ZRANB3: variants seen among roughly 807,000 people sequenced by gnomAD.
The protein encoded by ZRANB3 is zinc finger RANBP2-type containing 3.
In ZRANB3, 125 loss-of-function variants were observed where a neutral mutation model predicts 133.8. The ratio of observed to expected loss-of-function variants is 0.93; its 90% CI spans 0.81 to 1.08. The LOEUF (loss-of-function observed/expected upper bound fraction) is 1.08. Among genes scored for constraint, ZRANB3 ranks in the 50% least tolerant of loss-of-function variants. The probability of loss-of-function intolerance (pLI) is 0.00; values close to 1 mark genes in which losing one functional copy is unlikely to be tolerated. For synonymous variants in ZRANB3, 387 were observed against 432.7 expected, an observed-to-expected ratio of 0.89 and a Z score of 1.31; for missense variants, 1,229 against 1,275.5, an observed-to-expected ratio of 0.96 and a Z score of 0.56.
intron 2 of ZRANB3, among the ~76,000 whole-genome samples, chr2:135,454,777 T>C (rs115327220): frequency 1.6e-3 from 248 of 152,352 alleles, no homozygotes; most frequent in African/African-American, 5.7e-3. Flanking sequence ...TTCATTCTTT[T>C]TCATGGCTGA....
At chr2:135,307,794 G>A (rs1490886508) in intron 8 of ZRANB3, among the ~76,000 whole-genome samples, 2 of 152,176 alleles carry the variant, frequency 1.3e-5, no homozygotes, top group African/African-American at 2.4e-5. Context: ...CTGAGTGAAT[G>A]TAGTCAGCGC....
At chr2:135,484,442 A>C (rs985083965) in intron 2 of ZRANB3, among the ~76,000 whole-genome samples, 56 of 152,302 alleles carry the variant, frequency 3.7e-4, no homozygotes, top group Non-Finnish European at 5.4e-4. Context: ...GTATTATTAC[A>C]TTGTCAATTA....
In ZRANB3 at chr2:135,201,053, C is replaced by T. The variant is rs112490902; in HGVS notation, c.3142-613G>A. On this transcript the variant is annotated intron_variant, in intron 20 of 20. Transcript: ENST00000264159. ...CTTAAGGCAACTTGGGATTACCCAG[C>T]GAAGAAAATCTACCCACTTCCTATT... Among the ~76,000 whole-genome samples, 7 of 152,144 alleles carry T rather than the reference C, an allele frequency of 4.6e-5. No individual in the cohort carries two copies. In the East Asian group the frequency reaches 9.7e-4, roughly 21 times the overall value.
At chr2:135,238,087 G>A (rs1672651705) in intron 12 of ZRANB3, among the ~76,000 whole-genome samples, 1 of 152,166 alleles carries the variant, frequency 6.6e-6, no homozygotes, top group African/African-American at 2.4e-5. Flanking sequence ...TTCAATGTGT[G>A]AATCTCAGTT....
intron 12 of ZRANB3, among the ~76,000 whole-genome samples, chr2:135,263,880 A>G (rs1383804006): frequency 4.0e-5 from 6 of 151,080 alleles, no homozygotes; most frequent in African/African-American, 1.5e-4. Context: ...GGTTTAAGTG[A>G]TTCTCCTGCC....
chr2:135,394,476 G>C (rs1283367355), intron 2 of ZRANB3, among the ~76,000 whole-genome samples: 1 of 152,078 alleles, frequency 6.6e-6, no homozygotes, highest in Non-Finnish European at 1.5e-5. Flanking sequence ...GAGGTAAGGA[G>C]ATGGGAAGCT....
intron 2 of ZRANB3, among the ~76,000 whole-genome samples, chr2:135,392,436 A>G (rs1000459087): frequency 6.6e-6 from 1 of 151,990 alleles, no homozygotes; most frequent in Admixed American, 6.6e-5. Flanking sequence ...TAATCTTATA[A>G]GATTTATTTC....
At chr2:135,268,932 C>G (rs1680376686) in intron 11 of ZRANB3, 30 bp downstream of exon 11, 1 of 1,576,090 alleles carries the variant, frequency 6.3e-7, no homozygotes, top group Non-Finnish European at 8.6e-7. Flanking sequence ...AGTAAGTAAG[C>G]TGCTAACTTG....
At position 135,369,612 on chromosome 2, in the gene ZRANB3, A is replaced by G. The variant is rs1174134187; in HGVS notation, c.181-15984T>C. On this transcript the variant is annotated intron_variant, in intron 3 of 20. Coordinates refer to ENST00000264159, the MANE Select transcript of ZRANB3 (RefSeq NM_032143.4). ...AAAGCAATGCAAGTTTTTTACAAAT[A>G]AAATATTATACAGAAACTCAACATT... Among the ~76,000 whole-genome samples, 4 of 152,190 alleles carry G rather than the reference A, an allele frequency of 2.6e-5. No homozygotes were observed. In the East Asian group the frequency reaches 7.7e-4, roughly 29 times the overall value.
chr2:135,486,446 C>T (rs1440300669), intron 2 of ZRANB3, among the ~76,000 whole-genome samples: 3 of 152,022 alleles, frequency 2.0e-5, no homozygotes, highest in Non-Finnish European at 2.9e-5. Context: ...TCAGTCACAT[C>T]TTCAGGCTCT....
chr2:135,433,071 G>T (rs192179997), intron 2 of ZRANB3, among the ~76,000 whole-genome samples: 2 of 152,084 alleles, frequency 1.3e-5, no homozygotes, highest in Non-Finnish European at 2.9e-5. Flanking sequence ...ATGTATGCTG[G>T]GCTGAAACTC....
At chr2:135,500,181 G>A (rs566013370) in intron 2 of ZRANB3, among the ~76,000 whole-genome samples, 5 of 151,972 alleles carry the variant, frequency 3.3e-5, no homozygotes, top group African/African-American at 1.2e-4. Context: ...CCACCCAGTT[G>A]CGGTATGCTT....
At chr2:135,463,912 G>A (rs991126600) in intron 2 of ZRANB3, among the ~76,000 whole-genome samples, 1 of 152,192 alleles carries the variant, frequency 6.6e-6, no homozygotes, top group Non-Finnish European at 1.5e-5. Context: ...TGACCCTGAA[G>A]GGAAGAGTTC....
At position 135,361,070 on chromosome 2, in the gene ZRANB3, G is replaced by A. The variant is rs189274200; in HGVS notation, c.181-7442C>T. On this transcript the variant is annotated intron_variant, in intron 3 of 20. Transcript: ENST00000264159. ...GCTGAGATTACAGGCGTGAGCCACC[G>A]CACTTGGCCAGATTTCAGTATTTTG... Among the ~76,000 whole-genome samples the A allele has an allele frequency of 1.3e-3, 203 of 152,242 alleles. 1 individual carries two copies. Among genetic ancestry groups the A allele is most frequent in the South Asian group, 3.1e-3 (15 of 4,818 alleles).
At chr2:135,478,245 G>A (rs2104788651) in intron 2 of ZRANB3, among the ~76,000 whole-genome samples, 1 of 152,072 alleles carries the variant, frequency 6.6e-6, no homozygotes, top group East Asian at 1.9e-4. Flanking sequence ...AATAGTTTTG[G>A]TAAACTTGTT....
intron 2 of ZRANB3, among the ~76,000 whole-genome samples, chr2:135,394,141 G>A (rs1265136421): frequency 3.3e-5 from 5 of 152,068 alleles, no homozygotes; most frequent in East Asian, 1.9e-4. Context: ...ACAGGCATGA[G>A]CCACCATGCC....
intron 19 of ZRANB3, among the ~76,000 whole-genome samples, chr2:135,204,569 G>A (rs1261941122): frequency 6.7e-6 from 1 of 149,184 alleles, no homozygotes; most frequent in Non-Finnish European, 1.5e-5. Context: ...GAGGCAGGAG[G>A]ATCACTTGGC....
At chr2:135,228,060 AAAAGT>A (rs1411289241) in intron 13 of ZRANB3, 45 bp from the exon 14 acceptor site, 1 of 1,397,620 alleles carries the variant, frequency 7.2e-7, no homozygotes, top group Non-Finnish European at 9.7e-7. Context: ...ATTTACATTT[AAAAGT>A]AAAGTAAAAA....
chr2:135,310,507 G>A (rs547289229), intron 8 of ZRANB3, among the ~76,000 whole-genome samples: 5 of 151,738 alleles, frequency 3.3e-5, no homozygotes, highest in African/African-American at 1.2e-4. Flanking sequence ...GCATATAAAA[G>A]AATTATATGC....
Sources: gnomAD v4.1 joint callset for allele counts (sites outside exome capture counted in the v4.1 genomes callset) on GRCh38, gnomAD v4.1.1 for gene constraint, MANE v1.5 for transcripts, NCBI Gene and HGNC (gene_info 2026-07-23, HGNC 2026-07-21) for gene names.